SCN9A: variants seen among roughly 807,000 people sequenced by gnomAD.
The protein encoded by SCN9A is sodium voltage-gated channel alpha subunit 9, also known as sodium channel protein type 9 subunit alpha.
In SCN9A, 131 loss-of-function variants were observed where a neutral mutation model predicts 187.0. That is an observed-to-expected ratio of 0.70 (90% CI 0.61 to 0.81). SCN9A has a LOEUF of 0.81. Ranked by LOEUF, SCN9A falls within the 30% of genes least tolerant of loss-of-function variation. The pLI is 0.00. For missense variants in SCN9A, 2,252 were observed against 2,396.6 expected (o/e 0.94, Z 1.26); for synonymous variants, 809 against 808.6 (o/e 1.00, Z -0.01).
In SCN9A at chr2:166,199,883, A is replaced by G; in HGVS notation, c.4775-19T>C. ...AACATACCTGTATGTGGAGGAAAAT[A>G]ATAGAAATAAAATATTTAAAGATGT... On this transcript the variant is annotated intron_variant, in intron 26 of 26. Transcript: ENST00000642356. The G allele has an allele frequency of 6.3e-7, 1 of 1,599,540 alleles. No individual in the cohort carries two copies. Among genetic ancestry groups the G allele is most frequent in the Admixed American group, 1.7e-5 (1 of 59,962 alleles).
intron 1 of SCN9A, among the ~76,000 whole-genome samples, chr2:166,324,152 G>A (rs1356726985): frequency 6.6e-6 from 1 of 151,884 alleles, no homozygotes; most frequent in Non-Finnish European, 1.5e-5. Context: ...CAATTAGCCA[G>A]GTGTGGTGTG....
rs1442869706 is a variant in SCN9A, at chr2:166,277,064, G to T, written c.2793C>A (p.Thr931=). 1.2e-6 allele frequency: 2 copies of T among 1,613,968 alleles called. No homozygotes were observed. Among genetic ancestry groups the T allele is most frequent in the Admixed American group, 3.3e-5 (2 of 59,992 alleles). Residue 931 remains threonine (T), a synonymous_variant, in exon 16 of 27, where the codon ACC becomes ACA. Coordinates refer to ENST00000642356, the MANE Select transcript of SCN9A (RefSeq NM_001365536.1). ...CAGCGACCTCCATACAGTCCCACATGGTCTCTATCCACTCTCCACACAGCA... is the reference window on the plus strand; with the variant it reads ...CAGCGACCTCCATACAGTCCCACATTGTCTCTATCCACTCTCCACACAGCA... ...FRVLCGEWIE[T]MWDCMEVAGQ...
In SCN9A at chr2:166,300,573, T is replaced by G. The variant is rs1405033948; in HGVS notation, c.901+2517A>C. Among the ~76,000 whole-genome samples, 4 of 150,868 alleles carry G rather than the reference T, an allele frequency of 2.7e-5. 1 individual carries two copies. Among genetic ancestry groups the G allele is most frequent in the African/African-American group, 1.0e-4 (4 of 40,196 alleles). ...AACATTTTTTTTCATTCCCACTAGA[T>G]GATAAGCTCTGTGAAAGCAAGGGCT... is the stretch of plus-strand genomic sequence containing the variant. On this transcript the variant is annotated intron_variant, in intron 7 of 26. Transcript: ENST00000642356.
At chr2:166,319,141 C>T (rs184447464) in intron 1 of SCN9A, among the ~76,000 whole-genome samples, 2 of 152,102 alleles carry the variant, frequency 1.3e-5, no homozygotes, top group Admixed American at 6.5e-5. Flanking sequence ...AATTAGATTG[C>T]CATTAAAATT....
At chr2:166,261,326 G>T (rs1230541340) in intron 17 of SCN9A, among the ~76,000 whole-genome samples, 1 of 151,894 alleles carries the variant, frequency 6.6e-6, no homozygotes, top group East Asian at 1.9e-4. Context: ...GGGTGGCCAT[G>T]TCACACTGTT....
At chr2:166,309,168 G>C (rs986348536) in intron 2 of SCN9A, among the ~76,000 whole-genome samples, 1 of 151,990 alleles carries the variant, frequency 6.6e-6, no homozygotes, top group Non-Finnish European at 1.5e-5. Flanking sequence ...AAAATTATCA[G>C]GGAGACTTTA....
intron 1 of SCN9A, among the ~76,000 whole-genome samples, chr2:166,359,988 G>A (rs186442256): frequency 0.012 from 1,836 of 151,764 alleles, 20 homozygotes; most frequent in Admixed American, 0.021. Context: ...TTGGGAAGCC[G>A]AGGCAGGCGG....
chr2:166,351,871 C>T (rs1180565846), intron 1 of SCN9A, among the ~76,000 whole-genome samples: 1 of 152,016 alleles, frequency 6.6e-6, no homozygotes, highest in Non-Finnish European at 1.5e-5. Context: ...CAACCTGATA[C>T]CATCTAAGAA....
rs759551082 is a variant in SCN9A at position 166,286,639 on chromosome 2, C to G, written c.1315-16G>C. The G allele has an allele frequency of 6.7e-7, 1 of 1,503,422 alleles. No homozygotes were observed. The highest frequency in any genetic ancestry group is 1.4e-5 in the African/African-American group (1 of 71,384). The allele number at this position is 1,503,422 out of a possible 1,614,324, so 93.1% of individuals were successfully genotyped here. On this transcript the variant is annotated splice_polypyrimidine_tract_variant and intron_variant, in intron 10 of 26. Coordinates refer to ENST00000642356, the MANE Select transcript of SCN9A (RefSeq NM_001365536.1). Reference sequence around the variant, plus strand: ...CTGCAATTGCCTGGTTGGGCCAAGACGTTAACACTTAAATGAGTCATTTCC... The same window carrying G: ...CTGCAATTGCCTGGTTGGGCCAAGAGGTTAACACTTAAATGAGTCATTTCC...
chr2:166,368,716 G>A (rs1201108440), intron 1 of SCN9A, among the ~76,000 whole-genome samples: 1 of 147,432 alleles, frequency 6.8e-6, no homozygotes, highest in Non-Finnish European at 1.5e-5. Context: ...GGCTGGGCAT[G>A]GTGGCTCACG....
rs1444022342 is a variant in SCN9A, at chr2:166,331,489, C to T, written c.-50-19683G>A. On this transcript the variant is annotated intron_variant, in intron 1 of 26. Transcript: ENST00000642356. ...TCTTATATACTCTAAATCGACAACA[C>T]CCAACCACTCTGTTATCAATATCCT... Among the ~76,000 whole-genome samples, 3 of 152,278 alleles carry T rather than the reference C, an allele frequency of 2.0e-5. No homozygotes were observed. The East Asian group carries it at 5.8e-4, about 29-fold the overall frequency.
intron 7 of SCN9A, among the ~76,000 whole-genome samples, chr2:166,297,041 C>G (rs1337920065): frequency 6.6e-6 from 1 of 150,914 alleles, no homozygotes; most frequent in Admixed American, 6.6e-5. Context: ...ACTAAAAATA[C>G]AAAAAAATAG....
intron 1 of SCN9A, among the ~76,000 whole-genome samples, chr2:166,370,481 T>C (rs968923643): frequency 6.6e-6 from 1 of 151,042 alleles, no homozygotes; most frequent in African/African-American, 2.4e-5. Context: ...ACGCGGAGCT[T>C]GCAGTGAGCC....
intron 16 of SCN9A, chr2:166,276,355 C>T (rs1227361372): frequency 6.6e-6 from 1 of 152,082 alleles, no homozygotes; most frequent in African/African-American, 2.4e-5. Context: ...TAAAAGCAGT[C>T]ATAGAAGATA....
rs41268669 is a variant in SCN9A, at chr2:166,251,746, G to T, written c.3472+19C>A. On this transcript the variant is annotated intron_variant, in intron 18 of 26. Coordinates refer to ENST00000642356, the MANE Select transcript of SCN9A (RefSeq NM_001365536.1). Reference sequence around the variant, plus strand: ...CACTAATTAAGGAATGCTAACCAAGGTCTCAATTTTTGTCTTACCATCTGT... The same window carrying T: ...CACTAATTAAGGAATGCTAACCAAGTTCTCAATTTTTGTCTTACCATCTGT... 2.5e-6 allele frequency: 4 copies of T among 1,611,926 alleles called. No homozygotes were observed. The highest frequency in any genetic ancestry group is 3.4e-6 in the Non-Finnish European group (4 of 1,178,626).
At chr2:166,244,610 A>G (rs756563897) in intron 18 of SCN9A, among the ~76,000 whole-genome samples, 1 of 151,866 alleles carries the variant, frequency 6.6e-6, no homozygotes, top group Non-Finnish European at 1.5e-5. Flanking sequence ...TTCTTTCTGG[A>G]CGGTGGTCTA....
intron 17 of SCN9A, among the ~76,000 whole-genome samples, chr2:166,256,160 A>G (rs995706401): frequency 3.3e-5 from 5 of 151,234 alleles, no homozygotes; most frequent in African/African-American, 9.7e-5. Flanking sequence ...CTCTCTTGCA[A>G]TCATTCAGGG....
chr2:166,243,291 G>A (rs150491845), intron 18 of SCN9A, among the ~76,000 whole-genome samples: 43 of 152,008 alleles, frequency 2.8e-4, no homozygotes, highest in African/African-American at 9.4e-4. Context: ...ATTCATTAAC[G>A]CATTCTTTTG....
intron 9 of SCN9A, among the ~76,000 whole-genome samples, chr2:166,289,748 A>C (rs540058555): frequency 6.6e-6 from 1 of 152,062 alleles, no homozygotes; most frequent in African/African-American, 2.4e-5. Context: ...GAACTAATTT[A>C]CACTCCTACC....
Sources: allele counts gnomAD v4.1 joint callset (sites outside exome capture counted in the v4.1 genomes callset), GRCh38; gene constraint gnomAD v4.1.1; transcripts MANE v1.5; gene names NCBI Gene and HGNC (gene_info 2026-07-23, HGNC 2026-07-21).